AGAP1: variants seen among roughly 807,000 people sequenced by gnomAD.
AGAP1 encodes arf-GAP with GTPase, ANK repeat and PH domain-containing protein 1.
AGAP1 carries 29 observed loss-of-function variants against 105.3 expected under a neutral mutation model. That is an observed-to-expected ratio of 0.28 (90% CI 0.21 to 0.38). AGAP1 has a LOEUF of 0.38. Among genes scored for constraint, AGAP1 ranks in the 10% least tolerant of loss-of-function variants. AGAP1 has a pLI of 1.00. For missense variants in AGAP1, 998 were observed against 1,165.1 expected, an observed-to-expected ratio of 0.86 and a Z score of 2.09; for synonymous variants, 509 against 485.9, an observed-to-expected ratio of 1.05 and a Z score of -0.63.
In AGAP1 at chr2:235,930,687, G is replaced by A. The variant is rs1261386155; in HGVS notation, c.1325-78G>A. The A allele has an allele frequency of 6.9e-7, 1 of 1,459,556 alleles. No individual in the cohort carries two copies. The highest frequency in any genetic ancestry group is 1.4e-5 in the African/African-American group (1 of 71,504). 90.4% of individuals were successfully genotyped at this position (1,459,556 alleles called of 1,614,324 possible). ...TAAGGTGCACTATGTGCCAGCGTGT[G>A]GGTCCCATAGACTAACTCGCGCTGG... On this transcript the variant is annotated intron_variant, in intron 11 of 17. Coordinates refer to ENST00000304032, the MANE Select transcript of AGAP1 (RefSeq NM_001037131.3). The surrounding 1 kb of genome is among the most constrained non-coding windows in gnomAD (Gnocchi z 7.9).
chr2:235,935,777 A>T (rs2052957036), intron 12 of AGAP1, among the ~76,000 whole-genome samples: 1 of 152,172 alleles, frequency 6.6e-6, no homozygotes, highest in Admixed American at 6.5e-5. Context: ...CATTTCCTCC[A>T]TAGGTAATTT....
intron 1 of AGAP1, among the ~76,000 whole-genome samples, chr2:235,681,411 G>A (rs1191063190): frequency 2.0e-5 from 3 of 152,170 alleles, no homozygotes; most frequent in Admixed American, 2.0e-4. Flanking sequence ...GCTAGAGCGG[G>A]AGAGGAGTGA....
intron 13 of AGAP1, among the ~76,000 whole-genome samples, chr2:235,980,157 G>A (rs938092019): frequency 3.3e-5 from 5 of 152,156 alleles, no homozygotes; most frequent in Admixed American, 1.3e-4. Context: ...TATTCCACGC[G>A]TTTTTGATCA....
In AGAP1 at chr2:236,008,948, A is replaced by C. The variant is rs373664021; in HGVS notation, c.1646-27613A>C. On this transcript the variant is annotated intron_variant, in intron 13 of 17. Coordinates refer to ENST00000304032, the MANE Select transcript of AGAP1 (RefSeq NM_001037131.3). ...AAATTACGAAGACTGTTGGCCTTGCAAGAAACTGATCACGGCAAAGTTATT... is the reference window on the plus strand; with the variant it reads ...AAATTACGAAGACTGTTGGCCTTGCCAGAAACTGATCACGGCAAAGTTATT... 9.2e-5 allele frequency among the ~76,000 whole-genome samples: 14 copies of C among 152,352 alleles called. No individual in the cohort carries two copies. In the East Asian group the frequency reaches 2.5e-3, roughly 27 times the overall value.
intron 1 of AGAP1, among the ~76,000 whole-genome samples, chr2:235,703,900 C>T (rs114786394): frequency 0.017 from 2,624 of 152,306 alleles, 67 homozygotes; most frequent in African/African-American, 0.059. Flanking sequence ...TAGTCTTGAA[C>T]TCCTGATCTC....
rs371501524 is a variant in AGAP1, at chr2:236,124,148, C to T, written c.*26C>T. The T allele has an allele frequency of 1.3e-5, 21 of 1,608,810 alleles. No individual in the cohort carries two copies. Among genetic ancestry groups the T allele is most frequent in the South Asian group, 6.6e-5 (6 of 90,894 alleles). On this transcript the variant is annotated 3_prime_UTR_variant, in exon 18 of 18. Transcript: ENST00000304032. This position sits in a 1 kb window ranked among gnomAD's most constrained non-coding sequence, Gnocchi z 5.1. ...GGAACAGCCGTGCCCGCCTGCTCGCCGCACCTGGGACGCGGCAGCCTCGCC... is the reference window on the plus strand; with the variant it reads ...GGAACAGCCGTGCCCGCCTGCTCGCTGCACCTGGGACGCGGCAGCCTCGCC...
At chr2:236,098,180 G>A (rs1163143190) in intron 16 of AGAP1, among the ~76,000 whole-genome samples, 1 of 152,134 alleles carries the variant, frequency 6.6e-6, no homozygotes, top group Admixed American at 6.5e-5. Flanking sequence ...CCCTGCTTTC[G>A]ATTCTTTTGG....
chr2:236,063,830 T>A (rs1382027555), intron 16 of AGAP1, among the ~76,000 whole-genome samples: 1 of 152,220 alleles, frequency 6.6e-6, no homozygotes, highest in Non-Finnish European at 1.5e-5. Flanking sequence ...AATAATTAAA[T>A]GTCATTTATA....
In AGAP1 at chr2:235,901,880, GAAAAA is replaced by G. The variant is rs57459227; in HGVS notation, c.1156-6847_1156-6843del. ...GGCGACAGAGTGAGACTCCGTCTCG[GAAAAA>G]AAAAAAAAAATTATGGAGGGACCCC... On this transcript the variant is annotated intron_variant, in intron 10 of 17. Coordinates refer to ENST00000304032, the MANE Select transcript of AGAP1 (RefSeq NM_001037131.3). The surrounding 1 kb of genome is among the most constrained non-coding windows in gnomAD (Gnocchi z 4.3). Among the ~76,000 whole-genome samples, 2 of 145,886 alleles carry G rather than the reference GAAAAA, an allele frequency of 1.4e-5. No homozygotes were observed. The highest frequency in any genetic ancestry group is 1.4e-4 in the Admixed American group (2 of 14,690).
At chr2:235,710,645 T>C (rs1303880671) in intron 2 of AGAP1, among the ~76,000 whole-genome samples, 2 of 152,250 alleles carry the variant, frequency 1.3e-5, no homozygotes, top group Non-Finnish European at 2.9e-5. Flanking sequence ...TTCTGTCTTT[T>C]GTGTGCTTTG....
rs1267896406 is a variant in AGAP1 at position 235,723,531 on chromosome 2, C to A, written c.310+5887C>A. On this transcript the variant is annotated intron_variant, in intron 3 of 17. Coordinates refer to ENST00000304032, the MANE Select transcript of AGAP1 (RefSeq NM_001037131.3). This position sits in a 1 kb window ranked among gnomAD's most constrained non-coding sequence, Gnocchi z 6.2. ...GCAGAACTGAGTCATTGCTCTGAGA[C>A]CCGTTCCCCAGGACAACTCTCTCTG... Among the ~76,000 whole-genome samples, 1 of 152,194 alleles carries A rather than the reference C, an allele frequency of 6.6e-6. No homozygotes were observed.
chr2:235,804,943 T>G (rs1266935206), intron 8 of AGAP1, among the ~76,000 whole-genome samples: 1 of 152,200 alleles, frequency 6.6e-6, no homozygotes, highest in East Asian at 1.9e-4. Flanking sequence ...GGATGTGCCA[T>G]TAGTGATGAG....
intron 1 of AGAP1, among the ~76,000 whole-genome samples, chr2:235,685,046 A>G (rs113994271): frequency 0.027 from 4,174 of 152,126 alleles, 194 homozygotes; most frequent in African/African-American, 0.095. Context: ...TGTGAGAGTC[A>G]GGGGTGTGCA....
chr2:236,012,048 G>A lies in AGAP1; in HGVS notation c.1646-24513G>A, dbSNP rs1484879331. ...AGAGCAATCAATGCCCCCGGAGACCGATGCACATATCAGGACCTTGGTATC... is the reference window on the plus strand; with the variant it reads ...AGAGCAATCAATGCCCCCGGAGACCAATGCACATATCAGGACCTTGGTATC... On this transcript the variant is annotated intron_variant, in intron 13 of 17. Transcript: ENST00000304032. The surrounding 1 kb of genome is among the most constrained non-coding windows in gnomAD (Gnocchi z 4.9). 1.3e-5 allele frequency among the ~76,000 whole-genome samples: 2 copies of A among 152,106 alleles called. No homozygotes were observed. Among genetic ancestry groups the A allele is most frequent in the Non-Finnish European group, 1.5e-5 (1 of 68,018 alleles).
chr2:235,698,930 G>A (rs1054681066), intron 1 of AGAP1, among the ~76,000 whole-genome samples: 3 of 152,222 alleles, frequency 2.0e-5, no homozygotes, highest in Non-Finnish European at 4.4e-5. Flanking sequence ...ACCCCAGGGT[G>A]GGTTTTTAGC....
chr2:235,899,737 A>G (rs577228197), intron 10 of AGAP1, among the ~76,000 whole-genome samples: 2 of 152,310 alleles, frequency 1.3e-5, no homozygotes, highest in Non-Finnish European at 2.9e-5. Context: ...CTTGAAGTTC[A>G]TTGTAATGAG....
rs1305053270 is a variant in AGAP1 at position 235,569,946 on chromosome 2, A to T, written c.163+75097A>T. 3.9e-5 allele frequency among the ~76,000 whole-genome samples: 6 copies of T among 152,220 alleles called. No homozygotes were observed. Among genetic ancestry groups the T allele is most frequent in the African/African-American group, 1.4e-4 (6 of 41,462 alleles). On this transcript the variant is annotated intron_variant, in intron 1 of 17. Coordinates refer to ENST00000304032, the MANE Select transcript of AGAP1 (RefSeq NM_001037131.3). The surrounding 1 kb of genome is among the most constrained non-coding windows in gnomAD (Gnocchi z 5.9). ...TTGAACACGAAAACCAGAGTTGTAT[A>T]TCTAAGGAAAACATGGTGTGACTGG...
rs971272415 is a variant in AGAP1 at position 235,835,567 on chromosome 2, A to G, written c.1050+28236A>G. The stretch of plus-strand genomic sequence containing the variant: ...CTGTGGGCCTCTTAGCACTTTGTCC[A>G]TTACTTTGTTAAAGTAGCTGGCACG... On this transcript the variant is annotated intron_variant, in intron 9 of 17. Transcript: ENST00000304032. 9.2e-5 allele frequency among the ~76,000 whole-genome samples: 14 copies of G among 152,292 alleles called. No individual in the cohort carries two copies. In the South Asian group the frequency reaches 2.7e-3, roughly 29 times the overall value.
chr2:235,528,154 C>T (rs1439969199), intron 1 of AGAP1, among the ~76,000 whole-genome samples: 1 of 152,190 alleles, frequency 6.6e-6, no homozygotes, highest in African/African-American at 2.4e-5. Context: ...GTTGCATTAA[C>T]TCCAGAAAGT....
Sources: gnomAD v4.1 joint callset for allele counts (sites outside exome capture counted in the v4.1 genomes callset) on GRCh38, gnomAD v4.1.1 for gene constraint, Gnocchi (gnomAD v3.1) non-coding constraint, MANE v1.5 for transcripts, NCBI Gene and HGNC (gene_info 2026-07-23, HGNC 2026-07-21) for gene names.